SPAG16: variants seen among roughly 807,000 people sequenced by gnomAD.
SPAG16 encodes sperm-associated antigen 16 protein.
A neutral mutation model predicts 80.4 loss-of-function variants in SPAG16; 86 were observed. The ratio of observed to expected loss-of-function variants is 1.07; its 90% CI spans 0.90 to 1.28. The LOEUF (loss-of-function observed/expected upper bound fraction) is 1.28. SPAG16 is among the 50% of genes most tolerant of loss of function. The probability of loss-of-function intolerance (pLI) is 0.00; values close to 1 mark genes in which losing one functional copy is unlikely to be tolerated. For synonymous variants in SPAG16, 294 were observed against 265.9 expected (o/e 1.11, Z -1.03); for missense variants, 870 against 765.3 (o/e 1.14, Z -1.61).
At chr2:213,737,420 T>A (rs2067330075) in intron 10 of SPAG16, among the ~76,000 whole-genome samples, 1 of 152,128 alleles carries the variant, frequency 6.6e-6, no homozygotes, top group Admixed American at 6.5e-5. Flanking sequence ...ACATTCTCTA[T>A]GCTGTTATAT....
intron 14 of SPAG16, among the ~76,000 whole-genome samples, chr2:214,144,523 G>T (rs2055532979): frequency 6.6e-6 from 1 of 151,866 alleles, no homozygotes; most frequent in African/African-American, 2.4e-5. Flanking sequence ...TTTATTCTAG[G>T]TCACTAGAAT....
At chr2:214,368,609 C>T (rs1164586302) in intron 15 of SPAG16, among the ~76,000 whole-genome samples, 1 of 152,066 alleles carries the variant, frequency 6.6e-6, no homozygotes, top group Non-Finnish European at 1.5e-5. Flanking sequence ...AACCTCTGGG[C>T]CATCCTTCCC....
intron 15 of SPAG16, among the ~76,000 whole-genome samples, chr2:214,319,520 T>C (rs906223965): frequency 6.9e-6 from 1 of 144,926 alleles, no homozygotes; most frequent in African/African-American, 2.5e-5. Flanking sequence ...AAAAAAAAAC[T>C]ATAATAGGAA....
chr2:213,603,856 A>G (rs2061156716), intron 10 of SPAG16, among the ~76,000 whole-genome samples: 2 of 151,510 alleles, frequency 1.3e-5, no homozygotes, highest in Non-Finnish European at 2.9e-5. Context: ...GCTTTAATTC[A>G]GTTTTTCAAG....
At chr2:214,401,326 TA>T (rs1265085488) in intron 15 of SPAG16, among the ~76,000 whole-genome samples, 3 of 151,988 alleles carry the variant, frequency 2.0e-5, no homozygotes, top group Non-Finnish European at 4.4e-5. Context: ...TCTGCCTATC[TA>T]TATTGATTTA....
At chr2:214,234,458 T>C (rs11903341) in intron 15 of SPAG16, among the ~76,000 whole-genome samples, 143,987 of 152,194 alleles carry the variant, frequency 0.95, 68,485 homozygotes, top group Non-Finnish European at 1. Context: ...TTTGAGGAAT[T>C]ACCACAATGT....
At chr2:213,795,504 C>T (rs937650842) in intron 10 of SPAG16, among the ~76,000 whole-genome samples, 7 of 152,162 alleles carry the variant, frequency 4.6e-5, no homozygotes, top group Non-Finnish European at 8.8e-5. Flanking sequence ...ATACGCCAAT[C>T]CTTTAATTAG....
intron 13 of SPAG16, among the ~76,000 whole-genome samples, chr2:214,090,575 T>G (rs10490494): frequency 0.093 from 14,185 of 151,784 alleles, 832 homozygotes; most frequent in East Asian, 0.28. Context: ...TATTGTGACA[T>G]GGATTTAGCA....
chr2:213,912,780 G>A (rs1418553347), intron 11 of SPAG16, among the ~76,000 whole-genome samples: 1 of 151,976 alleles, frequency 6.6e-6, no homozygotes, highest in Middle Eastern at 3.2e-3. Context: ...ATTCTACCCC[G>A]ACTACCACAG....
chr2:213,806,189 T>A (rs921659680), intron 10 of SPAG16, among the ~76,000 whole-genome samples: 1 of 152,134 alleles, frequency 6.6e-6, no homozygotes, highest in Non-Finnish European at 1.5e-5. Flanking sequence ...CAAAAACACC[T>A]GTAAATGTTT....
At chr2:213,636,203 G>A (rs199502421) in intron 10 of SPAG16, among the ~76,000 whole-genome samples, 2 of 152,118 alleles carry the variant, frequency 1.3e-5, no homozygotes, top group East Asian at 3.9e-4. Flanking sequence ...TTGTTGAATA[G>A]GGTGTATTTT....
At chr2:213,965,520 C>A (rs543977257) in intron 12 of SPAG16, among the ~76,000 whole-genome samples, 1 of 152,296 alleles carries the variant, frequency 6.6e-6, no homozygotes, top group Admixed American at 6.5e-5. Context: ...AGTCCCTTTG[C>A]AGATGTAGTC....
chr2:214,248,090 AC>A (rs1689980368), intron 15 of SPAG16, among the ~76,000 whole-genome samples: 1 of 151,950 alleles, frequency 6.6e-6, no homozygotes, highest in Admixed American at 6.6e-5. Context: ...ATTAAAAAAC[AC>A]AAAATAGAGC....
intron 15 of SPAG16, among the ~76,000 whole-genome samples, chr2:214,193,462 A>AGAGAG (rs2057733022): frequency 1.0e-5 from 1 of 97,870 alleles, no homozygotes; most frequent in African/African-American, 3.1e-5. Context: ...AGAGAGAGAG[A>AGAGAG]AGGGGGTAGA....
At chr2:213,598,345 G>A (rs2060949832) in intron 10 of SPAG16, among the ~76,000 whole-genome samples, 1 of 152,104 alleles carries the variant, frequency 6.6e-6, no homozygotes, top group Non-Finnish European at 1.5e-5. Flanking sequence ...AATTAATAAT[G>A]ATATTTTACC....
At chr2:214,324,129 A>G (rs184145971) in intron 15 of SPAG16, among the ~76,000 whole-genome samples, 7 of 152,326 alleles carry the variant, frequency 4.6e-5, no homozygotes, top group Admixed American at 2.0e-4. Flanking sequence ...CTTTGCCTCT[A>G]GAATCAGTGA....
At chr2:213,683,718 C>T (rs1392605055) in intron 10 of SPAG16, among the ~76,000 whole-genome samples, 1 of 151,988 alleles carries the variant, frequency 6.6e-6, no homozygotes, top group African/African-American at 2.4e-5. Context: ...AGTCTATTGC[C>T]TTTCAGCCTT....
At chr2:213,343,519 C>G (rs2064805370) in intron 6 of SPAG16, among the ~76,000 whole-genome samples, 1 of 151,564 alleles carries the variant, frequency 6.6e-6, no homozygotes, top group South Asian at 2.1e-4. Context: ...GAAGACATGT[C>G]CTATAATCAG....
chr2:214,344,120 CAAGA>C (rs1282022925), intron 15 of SPAG16, among the ~76,000 whole-genome samples: 3 of 152,078 alleles, frequency 2.0e-5, no homozygotes, highest in African/African-American at 2.4e-5. Flanking sequence ...GTTCTATATT[CAAGA>C]GAGAGTATCA....
Sources: allele counts gnomAD v4.1 joint callset (sites outside exome capture counted in the v4.1 genomes callset), GRCh38; gene constraint gnomAD v4.1.1; transcripts MANE v1.5; gene names NCBI Gene and HGNC (gene_info 2026-07-23, HGNC 2026-07-21).